Variants in MEGF11 observed in about 807,000 individuals in gnomAD.
MEGF11 encodes the protein multiple EGF like domains 11.
Under a neutral mutation model 146.6 loss-of-function variants are expected in MEGF11, and 126 were observed. The ratio of observed to expected loss-of-function variants is 0.86; its 90% CI spans 0.74 to 1.00. The LOEUF (loss-of-function observed/expected upper bound fraction) is 1.00. Ranked by LOEUF, MEGF11 falls within the 50% of genes least tolerant of loss-of-function variation. The probability of loss-of-function intolerance (pLI) is 0.00; values close to 1 mark genes in which losing one functional copy is unlikely to be tolerated. For synonymous variants in MEGF11, 532 were observed against 583.4 expected, an observed-to-expected ratio of 0.91 and a Z score of 1.27; for missense variants, 1,509 against 1,521.2, an observed-to-expected ratio of 0.99 and a Z score of 0.13.
rs60006667 is a variant in MEGF11 at position 66,201,778 on chromosome 15, CA to C, written c.-9+51826del. 4.3e-3 allele frequency among the ~76,000 whole-genome samples: 427 copies of C among 99,178 alleles called. 24 individuals carry two copies. The highest frequency in any genetic ancestry group is 0.012 in the African/African-American group (289 of 25,094). The allele number at this position is 99,178 out of a possible 152,430, so 65.1% of individuals were successfully genotyped here. A position where few individuals can be genotyped will look rare whatever the true frequency, so the allele number is the denominator to read the frequency against. On this transcript the variant is annotated intron_variant, in intron 1 of 25. Coordinates refer to ENST00000395614, the MANE Select transcript of MEGF11 (RefSeq NM_001385028.1). ...GTGAAACCCTGTTTACTAAAAATCC[CA>C]AAAAAAAAAAAAAAAAAATTAACCA...
chr15:65,898,352 CATAA>C, intron 25 of MEGF11: 2 of 985,366 alleles, frequency 2.0e-6, no homozygotes, highest in Non-Finnish European at 2.4e-6. Flanking sequence ...AGCCCAGGGA[CATAA>C]ACTGGGAGAA....
Position 66,109,783 on chromosome 15 carries a change from C to G in MEGF11, c.301+9303G>C, listed in dbSNP as rs186220478. Among the ~76,000 whole-genome samples the G allele has an allele frequency of 3.3e-4, 51 of 152,328 alleles. No homozygotes were observed. The East Asian group carries it at 7.9e-3, about 24-fold the overall frequency. On this transcript the variant is annotated intron_variant, in intron 4 of 25. Transcript: ENST00000395614. ...CTTTCTTGACCCCCATTCCTTCCAT[C>G]CCTAGATAAAGCTAGTTGCCTCTCC...
chr15:66,052,082 AT>A (rs1169500295), intron 5 of MEGF11, among the ~76,000 whole-genome samples: 3 of 152,100 alleles, frequency 2.0e-5, no homozygotes. Flanking sequence ...CACAGGTGAG[AT>A]TTATGTGGGT....
At chr15:65,935,662 G>A (rs1041605664) in intron 10 of MEGF11, among the ~76,000 whole-genome samples, 1 of 152,130 alleles carries the variant, frequency 6.6e-6, no homozygotes, top group Non-Finnish European at 1.5e-5. Context: ...GTCCAAATGG[G>A]GAATCAGAGA....
At chr15:66,152,139 G>T (rs2089593523) in intron 1 of MEGF11, among the ~76,000 whole-genome samples, 1 of 152,060 alleles carries the variant, frequency 6.6e-6, no homozygotes, top group Non-Finnish European at 1.5e-5. Flanking sequence ...CCCCTCATGG[G>T]CACTGCCAGC....
At chr15:65,993,043 C>G (rs2082102479) in intron 5 of MEGF11, among the ~76,000 whole-genome samples, 2 of 152,220 alleles carry the variant, frequency 1.3e-5, no homozygotes, top group African/African-American at 4.8e-5. Flanking sequence ...ACTCCCGGAA[C>G]TCCTGCCAGG....
intron 5 of MEGF11, among the ~76,000 whole-genome samples, chr15:66,081,831 T>C (rs996306503): frequency 1.3e-5 from 2 of 152,182 alleles, no homozygotes; most frequent in Admixed American, 6.5e-5. Context: ...TAAATTCATA[T>C]TGAAACCCTA....
At position 65,928,923 on chromosome 15, in the gene MEGF11, CTA is replaced by C. The variant is rs1241111651; in HGVS notation, c.1573-398_1573-397del. Among the ~76,000 whole-genome samples, 14 of 152,264 alleles carry C rather than the reference CTA, an allele frequency of 9.2e-5. No individual in the cohort carries two copies. In the South Asian group the frequency reaches 2.9e-3, roughly 32 times the overall value. On this transcript the variant is annotated intron_variant, in intron 12 of 25. Transcript: ENST00000395614. ...CACATTGATCATCTGTGAGGAATGA[CTA>C]TGATTTATTCTTTGTTGCCGGGGAA...
At chr15:65,937,056 CCTT>C (rs2079814758) in intron 10 of MEGF11, among the ~76,000 whole-genome samples, 1 of 152,200 alleles carries the variant, frequency 6.6e-6, no homozygotes, top group Non-Finnish European at 1.5e-5. Flanking sequence ...GGAGACAAGA[CCTT>C]CTGAGCTGAA....
intron 25 of MEGF11, 95 bp downstream of exon 25, chr15:65,898,629 ATGTG>A (rs2078413528): frequency 1.9e-6 from 3 of 1,545,068 alleles, no homozygotes; most frequent in Non-Finnish European, 2.6e-6. Flanking sequence ...CAAAAGAAGG[ATGTG>A]TGGTCAAGGT....
At chr15:65,980,051 T>C (rs1214104644) in intron 7 of MEGF11, among the ~76,000 whole-genome samples, 3 of 152,158 alleles carry the variant, frequency 2.0e-5, no homozygotes, top group Non-Finnish European at 2.9e-5. Flanking sequence ...AATGTGTGTG[T>C]GTGTGCAAGT....
chr15:65,948,194 G>C (rs1302349719), intron 10 of MEGF11, among the ~76,000 whole-genome samples: 1 of 152,030 alleles, frequency 6.6e-6, no homozygotes, highest in Non-Finnish European at 1.5e-5. Context: ...GGAAGCTCAT[G>C]AGATGGAGGT....
chr15:65,905,779 C>T (rs1264570511), intron 24 of MEGF11: 2 of 264,234 alleles, frequency 7.6e-6, no homozygotes, highest in Middle Eastern at 1.0e-3. Context: ...ATCAATTTAA[C>T]TCGTACTAAT....
intron 5 of MEGF11, among the ~76,000 whole-genome samples, chr15:66,027,622 G>A (rs984652002): frequency 6.6e-6 from 1 of 152,180 alleles, no homozygotes; most frequent in Non-Finnish European, 1.5e-5. Flanking sequence ...GAACTACCCC[G>A]AGAGTCTGGA....
In MEGF11 at chr15:65,965,008, C is replaced by T. The variant is rs1178457446; in HGVS notation, c.1012G>A (p.Gly338Ser). Residue 338 changes from glycine to serine, a missense_variant, in exon 9 of 26, where the codon GGC becomes AGC. Gly to Ser is a moderately conservative substitution (Grantham distance 56, BLOSUM62 0). Transcript: ENST00000395614. ...TCCTGGCAGCGTGGGCCCTTGTAGC[C>T]AGGCTCACACTCGCAGGCACCCGTG... ...PTTGACECEPGYKGPRCQERL... is the reference protein window; with the variant it reads ...PTTGACECEPSYKGPRCQERL... 6.4e-7 allele frequency: 1 copy of T among 1,571,738 alleles called. No homozygotes were observed. Among genetic ancestry groups the T allele is most frequent in the Non-Finnish European group, 8.6e-7 (1 of 1,158,510 alleles).
intron 4 of MEGF11, among the ~76,000 whole-genome samples, chr15:66,101,764 T>C (rs1289017677): frequency 2.6e-5 from 4 of 152,176 alleles, no homozygotes; most frequent in African/African-American, 9.7e-5. Context: ...TGAAGGTGAA[T>C]ACATAATTAA....
At chr15:66,088,415 G>C (rs1172266477) in intron 5 of MEGF11, among the ~76,000 whole-genome samples, 1 of 152,212 alleles carries the variant, frequency 6.6e-6, no homozygotes, top group East Asian at 1.9e-4. Context: ...CCAGCACTTT[G>C]GGAGGCTGAG....
intron 19 of MEGF11, chr15:65,914,233 A>G (rs1166506423): frequency 3.7e-6 from 2 of 541,876 alleles, no homozygotes; most frequent in African/African-American, 3.7e-5. Flanking sequence ...TCTGTTCCAA[A>G]AATGAGTTAA....
intron 5 of MEGF11, among the ~76,000 whole-genome samples, chr15:66,087,306 C>A (rs1173363739): frequency 6.6e-6 from 1 of 152,212 alleles, no homozygotes; most frequent in Non-Finnish European, 1.5e-5. Flanking sequence ...ATTTAAACTA[C>A]TTCCCAGAAC....
Sources: allele counts gnomAD v4.1 joint callset (sites outside exome capture counted in the v4.1 genomes callset), GRCh38; gene constraint gnomAD v4.1.1; transcripts MANE v1.5; gene names NCBI Gene and HGNC (gene_info 2026-07-23, HGNC 2026-07-21).